Variants in DOCK2 observed in about 807,000 individuals in gnomAD.
DOCK2 encodes dedicator of cytokinesis protein 2.
A neutral mutation model predicts 248.9 loss-of-function variants in DOCK2; 87 were observed. The observed-to-expected ratio is 0.35, with a 90% CI of 0.29 to 0.42. The LOEUF (loss-of-function observed/expected upper bound fraction) is 0.42, where lower values mean the gene tolerates loss of function less well. DOCK2 is among the 10% of genes least tolerant of loss of function. DOCK2 has a pLI of 1.00. For synonymous variants in DOCK2, 805 were observed against 821.6 expected (o/e 0.98, Z 0.35); for missense variants, 1,747 against 2,300.2 (o/e 0.76, Z 4.92).
At chr5:169,836,383 A>T (rs1428133) in intron 26 of DOCK2, among the ~76,000 whole-genome samples, 4,135 of 152,266 alleles carry the variant, frequency 0.027, 189 homozygotes, top group African/African-American at 0.094. Context: ...TAAAACTATG[A>T]GTTTTAACAA....
intron 23 of DOCK2, among the ~76,000 whole-genome samples, chr5:169,753,358 C>T (rs374629880): frequency 9.7e-5 from 14 of 144,182 alleles, no homozygotes; most frequent in Admixed American, 6.7e-4. Context: ...CTGCCCTCAC[C>T]CCCCCCCACC....
chr5:169,985,302 C>T (rs1229232054), intron 28 of DOCK2, among the ~76,000 whole-genome samples: 1 of 151,012 alleles, frequency 6.6e-6, no homozygotes, highest in African/African-American at 2.4e-5. Flanking sequence ...AGAACCTCTT[C>T]AAAGGAGAGG....
At chr5:170,033,331 T>A (rs71605744) in intron 34 of DOCK2, among the ~76,000 whole-genome samples, 1 of 152,236 alleles carries the variant, frequency 6.6e-6, no homozygotes. Context: ...TTTTTATTTT[T>A]GTTTTTAAAA....
intron 27 of DOCK2, chr5:169,934,747 C>A: frequency 2.2e-6 from 1 of 455,792 alleles, no homozygotes. Context: ...CTCACGGGAT[C>A]AGTGCTCAGT....
intron 1 of DOCK2, among the ~76,000 whole-genome samples, chr5:169,641,255 A>T (rs988659381): frequency 2.6e-5 from 4 of 152,222 alleles, no homozygotes; most frequent in Admixed American, 2.6e-4. Context: ...TGAGACTCCA[A>T]CGTCTCTTTT....
chr5:169,789,513 G>T (rs1390368482), intron 25 of DOCK2, among the ~76,000 whole-genome samples: 2 of 152,138 alleles, frequency 1.3e-5, no homozygotes, highest in African/African-American at 4.8e-5. Context: ...AGCATATGTT[G>T]TCATCTGTTT....
chr5:169,925,295 T>A (rs1581425465), intron 27 of DOCK2, among the ~76,000 whole-genome samples: 1 of 152,128 alleles, frequency 6.6e-6, no homozygotes, highest in East Asian at 1.9e-4. Flanking sequence ...ACCCTGCAGG[T>A]AAGACCCTAG....
At chr5:169,843,714 T>C (rs1770134876) in intron 27 of DOCK2, among the ~76,000 whole-genome samples, 1 of 152,202 alleles carries the variant, frequency 6.6e-6, no homozygotes, top group Non-Finnish European at 1.5e-5. Context: ...TTTCTTTCCC[T>C]CCTCTCACCA....
chr5:169,978,290 T>TTTTG (rs1373168990), intron 27 of DOCK2, among the ~76,000 whole-genome samples: 7 of 149,802 alleles, frequency 4.7e-5, no homozygotes, highest in Non-Finnish European at 1.0e-4. Context: ...CTCGCCCCTA[T>TTTTG]TTTGTTTGTT....
intron 26 of DOCK2, among the ~76,000 whole-genome samples, chr5:169,838,645 G>T (rs1423953857): frequency 6.6e-6 from 1 of 152,188 alleles, no homozygotes; most frequent in Non-Finnish European, 1.5e-5. Flanking sequence ...AGTAGAAAGG[G>T]CTGGTTGGTG....
At chr5:169,661,930 A>G (rs1012482212) in intron 2 of DOCK2, among the ~76,000 whole-genome samples, 1 of 152,220 alleles carries the variant, frequency 6.6e-6, no homozygotes, top group African/African-American at 2.4e-5. Context: ...ATATGAGAGT[A>G]TAGACATATT....
At chr5:169,865,867 A>G (rs1378141675) in intron 27 of DOCK2, among the ~76,000 whole-genome samples, 1 of 152,234 alleles carries the variant, frequency 6.6e-6, no homozygotes, top group African/African-American at 2.4e-5. Flanking sequence ...TTAAAGGGAC[A>G]TCTGCCCTTG....
At chr5:169,898,669 G>A (rs187587365) in intron 27 of DOCK2, among the ~76,000 whole-genome samples, 1 of 152,086 alleles carries the variant, frequency 6.6e-6, no homozygotes, top group Admixed American at 6.5e-5. Context: ...TTCAATCAAG[G>A]GTTAGACAGT....
intron 2 of DOCK2, 32 bp from the exon 3 acceptor site, chr5:169,669,256 G>A (rs1298364982): frequency 1.2e-6 from 2 of 1,612,134 alleles, no homozygotes; most frequent in African/African-American, 1.3e-5. Flanking sequence ...TGTAATAAAT[G>A]AGGGAACTGT....
At chr5:169,666,028 A>T (rs373459428) in intron 2 of DOCK2, among the ~76,000 whole-genome samples, 1 of 152,342 alleles carries the variant, frequency 6.6e-6, no homozygotes, top group African/African-American at 2.4e-5. Flanking sequence ...TAGTCAGTCC[A>T]GGCTACTGTG....
At chr5:169,654,272 C>T (rs1757968723) in intron 1 of DOCK2, 131 bp from the exon 2 acceptor site, 1 of 911,584 alleles carries the variant, frequency 1.1e-6, no homozygotes, top group Non-Finnish European at 1.7e-6. Flanking sequence ...CAATAGGTTT[C>T]TGTGTTGGTT....
At chr5:170,060,364 G>A (rs1757287202) in intron 44 of DOCK2, among the ~76,000 whole-genome samples, 1 of 152,170 alleles carries the variant, frequency 6.6e-6, no homozygotes, top group South Asian at 2.1e-4. Context: ...GTGTCTTTTA[G>A]TCCTAAAGCT....
intron 16 of DOCK2, 37 bp downstream of exon 16, chr5:169,712,044 C>T: frequency 6.2e-7 from 1 of 1,614,056 alleles, no homozygotes; most frequent in Non-Finnish European, 8.5e-7. Flanking sequence ...TGCACCTCCC[C>T]CTAAGGGGAG....
intron 27 of DOCK2, among the ~76,000 whole-genome samples, chr5:169,976,510 AT>A (rs1325043605): frequency 3.3e-5 from 5 of 152,002 alleles, no homozygotes; most frequent in Non-Finnish European, 7.4e-5. Context: ...AATGAATGGA[AT>A]TTTCTTTCCT....
Sources: allele counts gnomAD v4.1 joint callset (sites outside exome capture counted in the v4.1 genomes callset), GRCh38; gene constraint gnomAD v4.1.1; transcripts MANE v1.5; gene names NCBI Gene and HGNC (gene_info 2026-07-23, HGNC 2026-07-21).